GREB1L: variants seen among roughly 807,000 people sequenced by gnomAD.
GREB1L encodes the protein GREB1-like protein.
A neutral mutation model predicts 200.8 loss-of-function variants in GREB1L; 17 were observed. That is an observed-to-expected ratio of 0.08 (90% confidence interval 0.06 to 0.13). GREB1L has a LOEUF of 0.13. Ranked by LOEUF, GREB1L falls within the 10% of genes least tolerant of loss-of-function variation. The pLI, the probability that GREB1L is intolerant of heterozygous loss-of-function variation, is 1.00. For missense variants in GREB1L, 1,657 were observed against 2,367.7 expected, an observed-to-expected ratio of 0.70 and a Z score of 6.23; for synonymous variants, 789 against 893.0, an observed-to-expected ratio of 0.88 and a Z score of 2.08.
In GREB1L at chr18:21,477,785, C is replaced by CAA. The variant is rs560513738; in HGVS notation, c.2556+442_2556+443dup. 3.4e-3 allele frequency among the ~76,000 whole-genome samples: 365 copies of CAA among 107,580 alleles called. 1 individual carries two copies. The highest frequency in any genetic ancestry group is 9.3e-3 in the African/African-American group (274 of 29,370). 70.6% of individuals were successfully genotyped at this position (107,580 alleles called of 152,430 possible). On this transcript the variant is annotated intron_variant, in intron 17 of 32. Coordinates refer to ENST00000424526, the MANE Select transcript of GREB1L (RefSeq NM_001142966.3). ...TGGGGGACAGAGCGAGACTCCGTCT[C>CAA]AAAAAAAAAAAAAACAAAAAACTAA...
chr18:21,438,982 AAAG>A (rs1184751150), intron 7 of GREB1L, among the ~76,000 whole-genome samples: 21 of 151,008 alleles, frequency 1.4e-4, no homozygotes, highest in African/African-American at 4.8e-4. Flanking sequence ...AAAAAAAAGA[AAAG>A]AAAAGAAAAG....
chr18:21,374,918 T>C (rs1374817623), intron 2 of GREB1L, among the ~76,000 whole-genome samples: 1 of 149,394 alleles, frequency 6.7e-6, no homozygotes, highest in Non-Finnish European at 1.5e-5. Flanking sequence ...AGTGGCATGA[T>C]CATGACTCAC....
chr18:21,351,328 A>C (rs2039429695), intron 1 of GREB1L, among the ~76,000 whole-genome samples: 1 of 152,168 alleles, frequency 6.6e-6, no homozygotes, highest in Non-Finnish European at 1.5e-5. Context: ...TAATCCCAGC[A>C]CTTTGGGAGG....
intron 27 of GREB1L, among the ~76,000 whole-genome samples, chr18:21,509,343 G>C (rs1399116605): frequency 6.6e-6 from 1 of 152,236 alleles, no homozygotes; most frequent in Non-Finnish European, 1.5e-5. Flanking sequence ...CAAGTCAGGA[G>C]CTGCTTGTTC....
intron 7 of GREB1L, among the ~76,000 whole-genome samples, chr18:21,416,210 A>AATG (rs2031614932): frequency 9.2e-6 from 1 of 108,690 alleles, no homozygotes; most frequent in African/African-American, 3.0e-5. Context: ...AAAAGAAAAG[A>AATG]ATAATGAAAG....
At chr18:21,389,495 A>G (rs1268918443) in intron 4 of GREB1L, among the ~76,000 whole-genome samples, 1 of 152,050 alleles carries the variant, frequency 6.6e-6, no homozygotes, top group Non-Finnish European at 1.5e-5. Flanking sequence ...GTGTCCTCAT[A>G]AATGGGAAAA....
In GREB1L at chr18:21,523,486, T is replaced by C. The variant is rs897165289; in HGVS notation, c.*665T>C. The C allele has an allele frequency of 5.9e-5, 9 of 152,252 alleles. No individual in the cohort carries two copies. Among genetic ancestry groups the C allele is most frequent in the Non-Finnish European group, 1.0e-4 (7 of 68,038 alleles). 9.4% of individuals were successfully genotyped at this position (152,252 alleles called of 1,614,324 possible). On this transcript the variant is annotated 3_prime_UTR_variant, in exon 33 of 33. Transcript: ENST00000424526. Reference sequence around the variant, plus strand: ...CAAATCAGTAAATGCAGAGCAGGCATTGTGTGCATTTATGCATCTTCTCCT... The same window carrying C: ...CAAATCAGTAAATGCAGAGCAGGCACTGTGTGCATTTATGCATCTTCTCCT...
chr18:21,473,277 A>G (rs979124027), intron 16 of GREB1L, 66 bp downstream of exon 16: 19 of 1,243,504 alleles, frequency 1.5e-5, no homozygotes, highest in Non-Finnish European at 2.0e-5. Flanking sequence ...CTAATGAAAT[A>G]TGTTAAAGAT....
chr18:21,501,238 T>G (rs2036778633), intron 23 of GREB1L, among the ~76,000 whole-genome samples: 1 of 151,238 alleles, frequency 6.6e-6, no homozygotes. Context: ...GGCGTTTTGG[T>G]TTTTGGGCTG....
chr18:21,387,478 A>AG (rs1285980502), intron 4 of GREB1L: 1 of 152,222 alleles, frequency 6.6e-6, no homozygotes, highest in Non-Finnish European at 1.5e-5. Flanking sequence ...GATTTGTCAA[A>AG]AAAATTATTT....
intron 1 of GREB1L, among the ~76,000 whole-genome samples, chr18:21,273,381 T>C (rs2038109748): frequency 1.3e-5 from 2 of 152,296 alleles, no homozygotes; most frequent in Admixed American, 1.3e-4. Flanking sequence ...TTCATAAATA[T>C]ATTAAGTATG....
At chr18:21,514,405 C>T (rs186211160) in intron 28 of GREB1L, among the ~76,000 whole-genome samples, 1 of 152,312 alleles carries the variant, frequency 6.6e-6, no homozygotes, top group East Asian at 1.9e-4. Context: ...GTCCCAGCTA[C>T]TTGAGAGGCT....
intron 2 of GREB1L, among the ~76,000 whole-genome samples, chr18:21,375,233 T>G (rs2040025110): frequency 1.3e-5 from 2 of 151,734 alleles, no homozygotes; most frequent in East Asian, 3.9e-4. Flanking sequence ...CCCGGCTAAT[T>G]TTTGTATTTT....
At chr18:21,385,302 T>C (rs919702365) in intron 4 of GREB1L, among the ~76,000 whole-genome samples, 2 of 151,786 alleles carry the variant, frequency 1.3e-5, no homozygotes, top group Admixed American at 6.6e-5. Context: ...TGCAAAGAAT[T>C]AGAGAAAAAC....
At chr18:21,269,456 G>A (rs2038043892) in intron 1 of GREB1L, among the ~76,000 whole-genome samples, 1 of 152,144 alleles carries the variant, frequency 6.6e-6, no homozygotes. Flanking sequence ...ACGGCTTCAT[G>A]CAATAAGAGG....
At chr18:21,509,672 T>C (rs1230896448) in intron 27 of GREB1L, among the ~76,000 whole-genome samples, 8 of 152,208 alleles carry the variant, frequency 5.3e-5, no homozygotes, top group Admixed American at 5.2e-4. Flanking sequence ...TTCTGTTCCT[T>C]CAGCCTCCCC....
At chr18:21,411,977 G>A (rs1347153092) in intron 7 of GREB1L, among the ~76,000 whole-genome samples, 3 of 151,184 alleles carry the variant, frequency 2.0e-5, no homozygotes, top group Non-Finnish European at 4.4e-5. Context: ...CCCGGGAAGC[G>A]GAGCTTGCAG....
intron 1 of GREB1L, among the ~76,000 whole-genome samples, chr18:21,250,833 G>GT (rs1161659102): frequency 6.6e-6 from 1 of 152,054 alleles, no homozygotes; most frequent in South Asian, 2.1e-4. Context: ...TATCTCTTTG[G>GT]TTTTTTTCTC....
At chr18:21,321,258 A>G (rs1032228008) in intron 1 of GREB1L, among the ~76,000 whole-genome samples, 8 of 151,946 alleles carry the variant, frequency 5.3e-5, no homozygotes, top group Admixed American at 2.0e-4. Flanking sequence ...TCACATCACT[A>G]TACTCCAGCC....
Sources: allele counts gnomAD v4.1 joint callset (sites outside exome capture counted in the v4.1 genomes callset), GRCh38; gene constraint gnomAD v4.1.1; transcripts MANE v1.5; gene names NCBI Gene and HGNC (gene_info 2026-07-23, HGNC 2026-07-21).